Variants in MYH14 observed in about 807,000 individuals in gnomAD.
The protein encoded by MYH14 is myosin heavy chain 14, also known as myosin-14.
A neutral mutation model predicts 255.5 loss-of-function variants in MYH14; 123 were observed. That is an observed-to-expected ratio of 0.48 (90% confidence interval 0.42 to 0.56). MYH14 has a LOEUF of 0.56. Among genes scored for constraint, MYH14 ranks in the 20% least tolerant of loss-of-function variants. The pLI, the probability that MYH14 is intolerant of heterozygous loss-of-function variation, is 0.00. For synonymous variants in MYH14, 1,095 were observed against 1,161.2 expected, an observed-to-expected ratio of 0.94 and a Z score of 1.16; for missense variants, 2,423 against 2,802.3, an observed-to-expected ratio of 0.86 and a Z score of 3.06.
intron 23 of MYH14, 132 bp from the exon 24 acceptor site, chr19:50,268,029 C>T (rs2035152896): frequency 1.7e-6 from 2 of 1,151,008 alleles, no homozygotes; most frequent in Non-Finnish European, 2.4e-6. Flanking sequence ...GTGGGGACAC[C>T]GTGTCCTCCT....
At chr19:50,243,307 G>A (rs551742398) in intron 10 of MYH14, among the ~76,000 whole-genome samples, 18 of 152,202 alleles carry the variant, frequency 1.2e-4, no homozygotes, top group African/African-American at 4.1e-4. Flanking sequence ...GTGGTGGTGT[G>A]CACCAGTAAT....
At chr19:50,210,847 C>G in intron 2 of MYH14, 77 bp downstream of exon 2, 1 of 1,519,148 alleles carries the variant, frequency 6.6e-7, no homozygotes, top group Non-Finnish European at 8.8e-7. Flanking sequence ...ACCCGGCTCC[C>G]CTGCATTAAC....
intron 5 of MYH14, among the ~76,000 whole-genome samples, chr19:50,223,563 G>A (rs907216562): frequency 2.6e-5 from 4 of 152,184 alleles, no homozygotes; most frequent in Non-Finnish European, 5.9e-5. Flanking sequence ...ACTGGCTCTC[G>A]GAATGGCTCC....
At chr19:50,219,688 G>A (rs2032708450) in intron 3 of MYH14, among the ~76,000 whole-genome samples, 1 of 151,756 alleles carries the variant, frequency 6.6e-6, no homozygotes, top group Non-Finnish European at 1.5e-5. Flanking sequence ...GTTGTGTACA[G>A]CTGAGCAGGT....
intron 2 of MYH14, among the ~76,000 whole-genome samples, chr19:50,212,155 T>G (rs79911064): frequency 0.038 from 5,817 of 152,250 alleles, 118 homozygotes; most frequent in Middle Eastern, 0.054. Context: ...CCCACCTCTA[T>G]GGTAGAATCA....
chr19:50,289,425 C>T lies in MYH14; in HGVS notation c.4753-11C>T. On this transcript the variant is annotated splice_polypyrimidine_tract_variant and intron_variant, in intron 34 of 42. Transcript: ENST00000642316. ...GTGACCCAGGTACCCAGCAGCTACT[C>T]TCCCCACCAGGTGCATGAGCTGGAA... 6.3e-7 allele frequency: 1 copy of T among 1,599,474 alleles called. No homozygotes were observed.
In MYH14 at chr19:50,276,315, C is replaced by A; in HGVS notation, c.3680+112C>A. ...GAGGCTTACTTATTGTACAGTTGTT[C>A]ATGAACCACCGGCTCTAGGTCCGGC... On this transcript the variant is annotated intron_variant, in intron 28 of 42. Transcript: ENST00000642316. The surrounding 1 kb of genome is among the most constrained non-coding windows in gnomAD (Gnocchi z 4.3). 1 of 892,704 alleles carries A rather than the reference C, an allele frequency of 1.1e-6. No individual in the cohort carries two copies. The highest frequency in any genetic ancestry group is 1.6e-6 in the Non-Finnish European group (1 of 607,146). The allele number at this position is 892,704 out of a possible 1,614,324, so 55.3% of individuals were successfully genotyped here.
chr19:50,204,044 G>C (rs2031598776), intron 1 of MYH14, among the ~76,000 whole-genome samples: 1 of 152,218 alleles, frequency 6.6e-6, no homozygotes, highest in South Asian at 2.1e-4. Flanking sequence ...GTTCTCACGT[G>C]TCAGAATCGG....
Position 50,308,987 on chromosome 19 carries a change from C to A in MYH14, c.5788-18C>A, listed in dbSNP as rs368368812. 94 of 1,597,040 alleles carry A rather than the reference C, an allele frequency of 5.9e-5. No homozygotes were observed. The Admixed American group carries it at 8.1e-4, about 14-fold the overall frequency. ...ACAGTACCTGGAGATATAACCCAGTCCCCCTGCTTCCATCAAGCTGGAGAA... is the reference window on the plus strand; with the variant it reads ...ACAGTACCTGGAGATATAACCCAGTACCCCTGCTTCCATCAAGCTGGAGAA... On this transcript the variant is annotated intron_variant, in intron 41 of 42. Coordinates refer to ENST00000642316, the MANE Select transcript of MYH14 (RefSeq NM_001145809.2).
intron 11 of MYH14, among the ~76,000 whole-genome samples, chr19:50,245,306 C>A (rs1232466397): frequency 6.6e-6 from 1 of 151,286 alleles, no homozygotes; most frequent in Non-Finnish European, 1.5e-5. Flanking sequence ...GTAGTCCCAG[C>A]TGCTCAGGAG....
In MYH14 at chr19:50,234,468, G is replaced by A. The variant is rs371044385; in HGVS notation, c.1114+2398G>A. Among the ~76,000 whole-genome samples, 316 of 152,268 alleles carry A rather than the reference G, an allele frequency of 2.1e-3. 4 individuals are homozygous for A. Among genetic ancestry groups the A allele is most frequent in the Middle Eastern group, 0.01 (3 of 294 alleles). On this transcript the variant is annotated intron_variant, in intron 10 of 42. Transcript: ENST00000642316. The stretch of plus-strand genomic sequence containing the variant: ...AGGAGCTATTGTTGGCTCCAGGGCC[G>A]GATTGGAAGTGCTGGAAATGGAGCG...
Position 50,281,643 on chromosome 19 carries a change from C to T in MYH14, c.4340C>T (p.Ala1447Val), listed in dbSNP as rs1236208195. ...GAGGAGGAGGCAGGGGCACTGGAGG[C>T]AGGGGAGGAGGCACGGCGCCGGGCA... ...RQEEEAGALE[A>V]GEEARRRAAR... Residue 1447 changes from alanine (A) to valine (V), a missense_variant, in exon 33 of 43, where the codon GCA becomes GTA. By Grantham distance (64) the Ala-to-Val change is moderately conservative. Transcript: ENST00000642316. The T allele has an allele frequency of 1.6e-5, 25 of 1,606,796 alleles. No homozygotes were observed. Among genetic ancestry groups the T allele is most frequent in the East Asian group, 2.2e-5 (1 of 44,716 alleles).
At position 50,292,347 on chromosome 19, in the gene MYH14, G is replaced by A. The variant is rs1177581086; in HGVS notation, c.5214G>A (p.Lys1738=). 6.3e-6 allele frequency: 10 copies of A among 1,593,056 alleles called. No individual in the cohort carries two copies. Among genetic ancestry groups the A allele is most frequent in the Non-Finnish European group, 7.7e-6 (9 of 1,170,290 alleles). The part of the protein sequence containing the change: ...EIFSQNRESE[K]RLKGLEAEVL... ...TCTCCCAGAATCGGGAAAGTGAAAAGCGCCTCAAGGGCCTGGAGGCTGAGG... is the reference window on the plus strand; with the variant it reads ...TCTCCCAGAATCGGGAAAGTGAAAAACGCCTCAAGGGCCTGGAGGCTGAGG... The change falls in exon 37 of 43, where the codon AAG becomes AAA. Residue 1738 remains lysine (K), a synonymous_variant. Transcript: ENST00000642316.
intron 24 of MYH14, among the ~76,000 whole-genome samples, chr19:50,271,100 T>G (rs1040937957): frequency 6.6e-6 from 1 of 151,952 alleles, no homozygotes; most frequent in Non-Finnish European, 1.5e-5. Context: ...AAGATCTCGC[T>G]CTGTTACCCA....
At chr19:50,208,429 AAC>A (rs1253614690) in intron 1 of MYH14, among the ~76,000 whole-genome samples, 1 of 132,044 alleles carries the variant, frequency 7.6e-6, no homozygotes, top group African/African-American at 3.6e-5. Context: ...AACAAAAACA[AAC>A]AAACAAACAA....
At chr19:50,290,527 G>C (rs1373119349) in intron 35 of MYH14, among the ~76,000 whole-genome samples, 4 of 152,136 alleles carry the variant, frequency 2.6e-5, no homozygotes, top group African/African-American at 9.7e-5. Context: ...TAAGGCCAGG[G>C]GTCTCTGCAG....
intron 27 of MYH14, among the ~76,000 whole-genome samples, chr19:50,273,599 GGGGT>G (rs201369790): frequency 0.032 from 2,651 of 82,250 alleles, 26 homozygotes; most frequent in African/African-American, 0.069. Flanking sequence ...TGGAACATGG[GGGGT>G]GTGTGTGTGT....
chr19:50,241,176 C>T (rs1195510270), intron 10 of MYH14, among the ~76,000 whole-genome samples: 1 of 152,216 alleles, frequency 6.6e-6, no homozygotes, highest in Non-Finnish European at 1.5e-5. Context: ...GTGACTCATG[C>T]CTGTAATCCC....
chr19:50,298,016 C>A (rs2036339886), intron 39 of MYH14, among the ~76,000 whole-genome samples: 3 of 152,102 alleles, frequency 2.0e-5, no homozygotes. Flanking sequence ...TCCGTGCCCT[C>A]CTGGGAGCGC....
Sources: allele counts gnomAD v4.1 joint callset (sites outside exome capture counted in the v4.1 genomes callset), GRCh38; gene constraint gnomAD v4.1.1; non-coding constraint Gnocchi (gnomAD v3.1); transcripts MANE v1.5; gene names NCBI Gene and HGNC (gene_info 2026-07-23, HGNC 2026-07-21).